The following NPR3 variants were observed in gnomAD, a reference collection of about 807,000 sequenced individuals.
NPR3 encodes atrial natriuretic peptide receptor 3.
In NPR3, 34 loss-of-function variants were observed where a neutral mutation model predicts 54.5. The ratio of observed to expected loss-of-function variants is 0.62; its 90% CI spans 0.47 to 0.83. The LOEUF (loss-of-function observed/expected upper bound fraction) is 0.83, where lower values mean the gene tolerates loss of function less well. Ranked by LOEUF, NPR3 falls within the 40% of genes least tolerant of loss-of-function variation. The pLI, the probability that NPR3 is intolerant of heterozygous loss-of-function variation, is 0.00. For synonymous variants in NPR3, 289 were observed against 297.1 expected (o/e 0.97, Z 0.28); for missense variants, 674 against 720.8 (o/e 0.94, Z 0.74).
chr5:32,713,497 T>C, intron 1 of NPR3: 1 of 973,772 alleles, frequency 1.0e-6, no homozygotes, highest in Middle Eastern at 5.3e-4. Flanking sequence ...CCCTCCTCCC[T>C]CTAGTCAGGG....
intron 1 of NPR3, among the ~76,000 whole-genome samples, chr5:32,703,262 C>T (rs532199153): frequency 7.6e-4 from 116 of 152,098 alleles, no homozygotes; most frequent in Non-Finnish European, 1.2e-3. Context: ...TAAATGCCAT[C>T]TAATGGCATC....
At chr5:32,754,419 G>A (rs1420188527) in intron 3 of NPR3, among the ~76,000 whole-genome samples, 1 of 152,002 alleles carries the variant, frequency 6.6e-6, no homozygotes, top group Non-Finnish European at 1.5e-5. Flanking sequence ...CAGCAGCCGA[G>A]TGTAGAACCT....
At chr5:32,714,505 C>CA (rs1738445256) in intron 1 of NPR3, among the ~76,000 whole-genome samples, 5 of 140,456 alleles carry the variant, frequency 3.6e-5, no homozygotes, top group Non-Finnish European at 4.7e-5. Flanking sequence ...AGTCTCTTTG[C>CA]TTTTTTTTTT....
At chr5:32,759,149 T>C (rs1401530159) in intron 3 of NPR3, among the ~76,000 whole-genome samples, 1 of 152,220 alleles carries the variant, frequency 6.6e-6, no homozygotes, top group Non-Finnish European at 1.5e-5. Flanking sequence ...GTTCAAGTCC[T>C]GGATATCCTT....
intron 2 of NPR3, among the ~76,000 whole-genome samples, chr5:32,727,696 G>A (rs2111902521): frequency 6.6e-6 from 1 of 152,218 alleles, no homozygotes; most frequent in African/African-American, 2.4e-5. Flanking sequence ...TGGTATTTAT[G>A]TAGAGAAGCA....
chr5:32,696,645 C>T (rs1050635049), intron 1 of NPR3, among the ~76,000 whole-genome samples: 1 of 152,068 alleles, frequency 6.6e-6, no homozygotes, highest in Non-Finnish European at 1.5e-5. Context: ...CATGGAATAT[C>T]TTTCCATTTG....
chr5:32,767,965 C>T (rs1035129117), intron 3 of NPR3, among the ~76,000 whole-genome samples: 31 of 152,270 alleles, frequency 2.0e-4, no homozygotes, highest in African/African-American at 7.5e-4. Flanking sequence ...CCTCCTCTTT[C>T]CCTGCCTCCA....
rs1035236982 is a variant in NPR3, at chr5:32,713,535, C to A, written c.769+990C>A. On this transcript the variant is annotated intron_variant, in intron 1 of 7. Coordinates refer to ENST00000265074, the MANE Select transcript of NPR3 (RefSeq NM_001204375.2). ...TAGGAGCACTGCGATGAGGGAATCCCGTCTCTGCTCCCCCTTGGCGCTCAC... is the reference window on the plus strand; with the variant it reads ...TAGGAGCACTGCGATGAGGGAATCCAGTCTCTGCTCCCCCTTGGCGCTCAC... 9.0e-6 allele frequency: 8 copies of A among 892,396 alleles called. No individual in the cohort carries two copies. In the African/African-American group the frequency reaches 1.4e-4, roughly 16 times the overall value. 55.3% of individuals were successfully genotyped at this position (892,396 alleles called of 1,614,324 possible). A position where few individuals can be genotyped will look rare whatever the true frequency, so the allele number is the denominator to read the frequency against.
intron 3 of NPR3, among the ~76,000 whole-genome samples, chr5:32,752,687 A>T (rs1740639497): frequency 6.6e-6 from 1 of 152,240 alleles, no homozygotes; most frequent in East Asian, 1.9e-4. Context: ...TTAACAACAG[A>T]AAAATAATGA....
chr5:32,760,263 C>CTTTAT (rs1426987382), intron 3 of NPR3, among the ~76,000 whole-genome samples: 6 of 152,184 alleles, frequency 3.9e-5, no homozygotes, highest in African/African-American at 1.4e-4. Flanking sequence ...AGCATAGATG[C>CTTTAT]AAGTTTAACT....
chr5:32,718,451 A>G (rs1300305085), intron 1 of NPR3, among the ~76,000 whole-genome samples: 1 of 152,146 alleles, frequency 6.6e-6, no homozygotes, highest in Non-Finnish European at 1.5e-5. Flanking sequence ...TTTTCATGAT[A>G]TTGATTCTTC....
intron 1 of NPR3, among the ~76,000 whole-genome samples, chr5:32,697,770 A>G (rs1421245663): frequency 6.6e-6 from 1 of 152,058 alleles, no homozygotes; most frequent in African/African-American, 2.4e-5. Context: ...TTTCCAATTT[A>G]TTGGCATATG....
intron 3 of NPR3, among the ~76,000 whole-genome samples, chr5:32,740,334 CCT>C (rs1479156842): frequency 6.6e-6 from 1 of 152,074 alleles, no homozygotes; most frequent in African/African-American, 2.4e-5. Context: ...TAACGCTATC[CCT>C]GTCAGAAAGT....
chr5:32,762,707 G>A (rs559498834), intron 3 of NPR3, among the ~76,000 whole-genome samples: 20 of 151,894 alleles, frequency 1.3e-4, no homozygotes, highest in South Asian at 1.2e-3. Flanking sequence ...ATTTGTTTAC[G>A]TTCTTTGTAG....
At chr5:32,719,696 C>T (rs2111872964) in intron 1 of NPR3, among the ~76,000 whole-genome samples, 1 of 151,142 alleles carries the variant, frequency 6.6e-6, no homozygotes, top group South Asian at 2.1e-4. Context: ...TCTCTATTTC[C>T]TATTTCTAGG....
At position 32,771,050 on chromosome 5, in the gene NPR3, G is replaced by T. The variant is rs970152134; in HGVS notation, c.1060-3658G>T. On this transcript the variant is annotated intron_variant, in intron 3 of 7. Coordinates refer to ENST00000265074, the MANE Select transcript of NPR3 (RefSeq NM_001204375.2). ...TGTTCTTAAGCTAACTTCATACATGGTTTTTTTTTTTTCTCCCTTATTTTT... is the reference window on the plus strand; with the variant it reads ...TGTTCTTAAGCTAACTTCATACATGTTTTTTTTTTTTTCTCCCTTATTTTT... Among the ~76,000 whole-genome samples the T allele has an allele frequency of 4.8e-5, 7 of 146,724 alleles. No homozygotes were observed. The South Asian group carries it at 8.7e-4, about 18-fold the overall frequency.
chr5:32,740,258 TCA>T (rs1466204377), intron 3 of NPR3, among the ~76,000 whole-genome samples: 1 of 152,238 alleles, frequency 6.6e-6, no homozygotes, highest in Non-Finnish European at 1.5e-5. Flanking sequence ...GAAAAATTGC[TCA>T]GTTTCCCCGA....
intron 3 of NPR3, 65 bp downstream of exon 3, chr5:32,739,095 G>A: frequency 6.6e-7 from 1 of 1,515,382 alleles, no homozygotes; most frequent in Non-Finnish European, 9.0e-7. Context: ...TTAAATCAGA[G>A]ATGACAGAGT....
At chr5:32,743,987 A>ATTTTTT (rs199604802) in intron 3 of NPR3, among the ~76,000 whole-genome samples, 11 of 113,828 alleles carry the variant, frequency 9.7e-5, no homozygotes, top group East Asian at 2.4e-4. Context: ...ATTCTGATGC[A>ATTTTTT]TTTTTTTTTT....
Sources: allele counts gnomAD v4.1 joint callset (sites outside exome capture counted in the v4.1 genomes callset), GRCh38; gene constraint gnomAD v4.1.1; transcripts MANE v1.5; gene names NCBI Gene and HGNC (gene_info 2026-07-23, HGNC 2026-07-21).